Variants in MAPK6 observed in about 807,000 individuals in gnomAD.
The protein encoded by MAPK6 is mitogen-activated protein kinase 6, also known as ERK-3.
In MAPK6, 19 loss-of-function variants were observed where a neutral mutation model predicts 59.3. The ratio of observed to expected loss-of-function variants is 0.32; its 90% confidence interval spans 0.22 to 0.47. MAPK6 has a LOEUF of 0.47. MAPK6 is among the 20% of genes least tolerant of loss of function. The probability of loss-of-function intolerance (pLI) is 1.00; values close to 1 mark genes in which losing one functional copy is unlikely to be tolerated. For missense variants in MAPK6, 724 were observed against 847.9 expected (o/e 0.85, Z 1.81); for synonymous variants, 316 against 290.3 (o/e 1.09, Z -0.90).
intron 2 of MAPK6, 106 bp downstream of exon 2, chr15:52,047,121 TA>T (rs1435810343): frequency 1.3e-6 from 1 of 791,302 alleles, no homozygotes; most frequent in Non-Finnish European, 1.9e-6. Context: ...TTAATCTTAT[TA>T]AACTTTACAT....
intron 2 of MAPK6, among the ~76,000 whole-genome samples, chr15:51,992,267 T>TTATCTATCTATCTATC (rs534947314): frequency 2.9e-5 from 4 of 139,914 alleles, no homozygotes; most frequent in African/African-American, 1.1e-4. Flanking sequence ...TGTCCCTCAT[T>TTATCTATCTATCTATC]TATCTATCTA....
In MAPK6 at chr15:52,067,330, C is replaced by G. The variant is rs1322054706; in HGVS notation, c.*2330C>G. On this transcript the variant is annotated 3_prime_UTR_variant, in exon 6 of 6. Coordinates refer to ENST00000261845, the MANE Select transcript of MAPK6 (RefSeq NM_002748.4). ...GCTTTAGGGTGACCCAGGCTGAGTACTAAGTTGTAAAGTCAATTTCCAATA... is the reference window on the plus strand; with the variant it reads ...GCTTTAGGGTGACCCAGGCTGAGTAGTAAGTTGTAAAGTCAATTTCCAATA... 6.6e-6 allele frequency: 1 copy of G among 152,190 alleles called. No homozygotes were observed. Among genetic ancestry groups the G allele is most frequent in the Non-Finnish European group, 1.5e-5 (1 of 68,042 alleles). The allele number at this position is 152,190 out of a possible 1,614,324, so 9.4% of individuals were successfully genotyped here. A position where few individuals can be genotyped will look rare whatever the true frequency, so the allele number is the denominator to read the frequency against.
intron 1 of MAPK6, among the ~76,000 whole-genome samples, chr15:52,020,594 T>C (rs1383649594): frequency 3.3e-5 from 5 of 152,238 alleles, no homozygotes; most frequent in Non-Finnish European, 7.3e-5. Context: ...CAATTGCACA[T>C]GTCCTCCCTC....
intron 2 of MAPK6, among the ~76,000 whole-genome samples, chr15:51,997,293 A>G (rs941090494): frequency 1.3e-3 from 170 of 128,212 alleles, no homozygotes; most frequent in African/African-American, 6.9e-3. Context: ...TTTTTTTGAA[A>G]CAGAGTCTTG....
chr15:52,042,384 T>A (rs2031451004), intron 1 of MAPK6, among the ~76,000 whole-genome samples: 1 of 152,240 alleles, frequency 6.6e-6, no homozygotes, highest in South Asian at 2.1e-4. Flanking sequence ...TAGTGATGAC[T>A]CTGCAGTTCT....
At chr15:51,976,818 C>G (rs978944514) in intron 1 of MAPK6, among the ~76,000 whole-genome samples, 3 of 151,520 alleles carry the variant, frequency 2.0e-5, no homozygotes, top group Non-Finnish European at 4.4e-5. Context: ...CGGTCGCACT[C>G]CTGTAATCTC....
chr15:51,982,700 A>G (rs2057178325), intron 1 of MAPK6, among the ~76,000 whole-genome samples: 1 of 152,158 alleles, frequency 6.6e-6, no homozygotes, highest in African/African-American at 2.4e-5. Context: ...TAAAAAAGGT[A>G]TTTTTCAGAC....
At chr15:52,007,693 A>C (rs1250913290) in intron 3 of MAPK6, among the ~76,000 whole-genome samples, 6 of 144,976 alleles carry the variant, frequency 4.1e-5, no homozygotes, top group Non-Finnish European at 7.6e-5. Flanking sequence ...ATAGAGCTAG[A>C]GCTCTATCTC....
At position 52,043,742 on chromosome 15, in the gene MAPK6, ATTTTTTTTTTTTTTTTTTTT is replaced by A. The variant is rs71130125; in HGVS notation, c.-631-2073_-631-2054del. Among the ~76,000 whole-genome samples, 29 of 40,668 alleles carry A rather than the reference ATTTTTTTTTTTTTTTTTTTT, an allele frequency of 7.1e-4. No homozygotes were observed. In the East Asian group the frequency reaches 0.023, roughly 32 times the overall value. The allele number at this position is 40,668 out of a possible 152,430, so 26.7% of individuals were successfully genotyped here. On this transcript the variant is annotated intron_variant, in intron 1 of 5. Transcript: ENST00000261845. The stretch of plus-strand genomic sequence containing the variant: ...TGATATGTTGGACTTAAGTTGTTTG[ATTTTTTTTTTTTTTTTTTTT>A]TTTTTTTTTTTTTTGAGGCAGAGTC...
intron 3 of MAPK6, among the ~76,000 whole-genome samples, chr15:52,009,381 G>T (rs370017442): frequency 6.6e-6 from 1 of 152,178 alleles, no homozygotes; most frequent in African/African-American, 2.4e-5. Context: ...TCTCTTCAAG[G>T]TATTGGGCCT....
intron 3 of MAPK6, among the ~76,000 whole-genome samples, chr15:52,055,274 GCA>G (rs1283789784): frequency 1.3e-5 from 2 of 152,136 alleles, no homozygotes; most frequent in African/African-American, 4.8e-5. Flanking sequence ...GGGTGTGGTG[GCA>G]CACACCTGTG....
At chr15:51,992,611 C>A (rs2057213338) in intron 2 of MAPK6, among the ~76,000 whole-genome samples, 1 of 151,930 alleles carries the variant, frequency 6.6e-6, no homozygotes, top group African/African-American at 2.4e-5. Context: ...GCCAAGCCGT[C>A]CCCCATTTTA....
chr15:52,038,955 A>T (rs938078996), intron 1 of MAPK6, among the ~76,000 whole-genome samples: 1 of 152,172 alleles, frequency 6.6e-6, no homozygotes, highest in African/African-American at 2.4e-5. Context: ...GTCTATAGGG[A>T]TGTTATTACT....
intron 2 of MAPK6, among the ~76,000 whole-genome samples, chr15:52,000,843 T>C (rs79480504): frequency 4.7e-4 from 71 of 152,228 alleles, no homozygotes; most frequent in African/African-American, 1.6e-3. Flanking sequence ...CAGTTGTTTT[T>C]TGGTTATATG....
intron 1 of MAPK6, among the ~76,000 whole-genome samples, chr15:52,036,509 T>C (rs2031246734): frequency 6.6e-6 from 1 of 152,196 alleles, no homozygotes; most frequent in Non-Finnish European, 1.5e-5. Flanking sequence ...AATTTGCTTT[T>C]ATAATAGGCC....
chr15:52,019,102 G>A (rs1048894941), upstream of MAPK6: 1 of 152,320 alleles, frequency 6.6e-6, no homozygotes, highest in African/African-American at 2.4e-5. Flanking sequence ...GCGCAGCCCA[G>A]TCACGGGCGC....
chr15:51,978,212 A>G (rs902243844), intron 1 of MAPK6, among the ~76,000 whole-genome samples: 2 of 151,318 alleles, frequency 1.3e-5, no homozygotes, highest in African/African-American at 4.8e-5. Flanking sequence ...AGCTCACTGC[A>G]GCCTCCGTCT....
chr15:52,029,481 AT>A (rs1158232658), intron 1 of MAPK6, among the ~76,000 whole-genome samples: 2 of 152,106 alleles, frequency 1.3e-5, no homozygotes, highest in Non-Finnish European at 2.9e-5. Flanking sequence ...TATGTGAATA[AT>A]TCTCATATTT....
intron 2 of MAPK6, among the ~76,000 whole-genome samples, chr15:51,984,447 A>ATTTTTTTTTTTTTTTTTTTTTTTTT (rs71130112): frequency 1.4e-5 from 1 of 69,976 alleles, no homozygotes. Flanking sequence ...ACGCCGGCTA[A>ATTTTTTTTTTTTTTTTTTTTTTTTT]TTTTTTTTTT....
Sources: allele counts gnomAD v4.1 joint callset (sites outside exome capture counted in the v4.1 genomes callset), GRCh38; gene constraint gnomAD v4.1.1; transcripts MANE v1.5; gene names NCBI Gene and HGNC (gene_info 2026-07-23, HGNC 2026-07-21).